Variants in ITPR2 observed in about 807,000 individuals in gnomAD.
ITPR2 encodes the protein inositol 1,4,5-trisphosphate-gated calcium channel ITPR2.
In ITPR2, 207 loss-of-function variants were observed where a neutral mutation model predicts 317.1. That is an observed-to-expected ratio of 0.65 (90% confidence interval 0.58 to 0.73). The LOEUF (loss-of-function observed/expected upper bound fraction) is 0.73, where lower values mean the gene tolerates loss of function less well. Among genes scored for constraint, ITPR2 ranks in the 30% least tolerant of loss-of-function variants. The pLI, the probability that ITPR2 is intolerant of heterozygous loss-of-function variation, is 0.00. For missense variants in ITPR2, 2,613 were observed against 3,284.0 expected, an observed-to-expected ratio of 0.80 and a Z score of 4.99; for synonymous variants, 1,156 against 1,149.1, an observed-to-expected ratio of 1.01 and a Z score of -0.12.
intron 21 of ITPR2, chr12:26,649,137 T>C (rs370327072): frequency 2.6e-5 from 4 of 152,202 alleles, no homozygotes; most frequent in East Asian, 3.9e-4. Flanking sequence ...AACTCCCACA[T>C]AGACTTTGCT....
At chr12:26,424,862 C>T (rs908350847) in intron 49 of ITPR2, among the ~76,000 whole-genome samples, 24 of 152,128 alleles carry the variant, frequency 1.6e-4, no homozygotes, top group Non-Finnish European at 2.5e-4. Flanking sequence ...TGGGTTCAAG[C>T]GATTCTCTGG....
intron 1 of ITPR2, among the ~76,000 whole-genome samples, chr12:26,811,883 G>C (rs1950757875): frequency 1.4e-5 from 2 of 143,450 alleles, no homozygotes; most frequent in African/African-American, 5.1e-5. Flanking sequence ...GAAATCTAGG[G>C]CCGGGCGTGG....
At chr12:26,585,549 C>T (rs1034838041) in intron 32 of ITPR2, among the ~76,000 whole-genome samples, 3 of 151,992 alleles carry the variant, frequency 2.0e-5, no homozygotes, top group Non-Finnish European at 4.4e-5. Flanking sequence ...GGACTACAGG[C>T]GCATGCCACA....
intron 33 of ITPR2, among the ~76,000 whole-genome samples, chr12:26,579,826 G>A (rs1945355280): frequency 6.6e-6 from 1 of 152,026 alleles, no homozygotes; most frequent in Non-Finnish European, 1.5e-5. Context: ...AGAGAAAAAG[G>A]AAAAATAATT....
intron 1 of ITPR2, among the ~76,000 whole-genome samples, chr12:26,824,415 TCAGA>T (rs1480972927): frequency 6.6e-6 from 1 of 152,194 alleles, no homozygotes; most frequent in Non-Finnish European, 1.5e-5. Context: ...GCATTACTGG[TCAGA>T]CAAACATTTT....
chr12:26,473,705 T>C (rs11048543), intron 45 of ITPR2, among the ~76,000 whole-genome samples: 16,278 of 152,194 alleles, frequency 0.11, 1,782 homozygotes, highest in African/African-American at 0.27. Flanking sequence ...AATATGATTT[T>C]AATTCTCAGC....
chr12:26,550,428 T>G, intron 36 of ITPR2, 73 bp from the exon 37 acceptor site: 1 of 686,918 alleles, frequency 1.5e-6, no homozygotes, highest in East Asian at 2.8e-5. Context: ...TCAAAGGCCA[T>G]AGGGGAAAAA....
chr12:26,496,112 A>C (rs1309024319), intron 37 of ITPR2, among the ~76,000 whole-genome samples: 1 of 152,236 alleles, frequency 6.6e-6, no homozygotes, highest in Non-Finnish European at 1.5e-5. Context: ...TAATAAAAAG[A>C]GTGATTTAAA....
chr12:26,389,435 C>T (rs140879458), intron 54 of ITPR2, among the ~76,000 whole-genome samples: 234 of 151,642 alleles, frequency 1.5e-3, no homozygotes, highest in African/African-American at 5.5e-3. Flanking sequence ...CTAACCTTAC[C>T]TCTCACTGTT....
At chr12:26,409,126 A>T (rs1940456473) in intron 52 of ITPR2, among the ~76,000 whole-genome samples, 1 of 152,204 alleles carries the variant, frequency 6.6e-6, no homozygotes, top group African/African-American at 2.4e-5. Flanking sequence ...TGAATTTGAG[A>T]CTGTGACAGA....
chr12:26,365,341 AT>A (rs1234681401), intron 55 of ITPR2, among the ~76,000 whole-genome samples: 1 of 152,210 alleles, frequency 6.6e-6, no homozygotes, highest in African/African-American at 2.4e-5. Context: ...ACATTCCAGG[AT>A]TCAAGAAATG....
chr12:26,763,342 T>C (rs1042164841), intron 2 of ITPR2, among the ~76,000 whole-genome samples: 2 of 151,782 alleles, frequency 1.3e-5, no homozygotes, highest in Non-Finnish European at 2.9e-5. Flanking sequence ...TCAAAGGCAA[T>C]GAAATAGTGA....
At chr12:26,794,388 G>A (rs751441311) in intron 1 of ITPR2, among the ~76,000 whole-genome samples, 32 of 152,086 alleles carry the variant, frequency 2.1e-4, no homozygotes, top group Non-Finnish European at 4.3e-4. Context: ...AAAATGCATC[G>A]TTTTCTTATC....
chr12:26,602,442 T>C lies in ITPR2; in HGVS notation c.3606A>G (p.Gln1202=). The C allele has an allele frequency of 1.2e-6, 2 of 1,613,850 alleles. No homozygotes were observed. The highest frequency in any genetic ancestry group is 1.7e-6 in the Non-Finnish European group (2 of 1,179,800). The change falls in exon 28 of 57, where the codon CAA becomes CAG. Residue 1202 remains glutamine, a synonymous_variant. Transcript: ENST00000381340. ...LCVQNKKCRN[Q]HQRLLKNMGA... is the part of the protein sequence containing the mutation. ...CCATATTTTTCAGTAATCGTTGATGTTGATTCCGACACTTTTTATTCTGCA... is the reference window on the plus strand; with the variant it reads ...CCATATTTTTCAGTAATCGTTGATGCTGATTCCGACACTTTTTATTCTGCA...
intron 20 of ITPR2, 95 bp downstream of exon 20, chr12:26,655,613 C>CA (rs56325248): frequency 0.085 from 53,790 of 633,520 alleles, 621 homozygotes; most frequent in African/African-American, 0.2. Flanking sequence ...GACTCTGTCT[C>CA]AAAAAAAAAA....
intron 34 of ITPR2, among the ~76,000 whole-genome samples, chr12:26,568,032 A>ATAT (rs1403618703): frequency 8.1e-6 from 1 of 123,810 alleles, no homozygotes; most frequent in East Asian, 3.0e-4. Context: ...ATATATATAT[A>ATAT]AAATGTCAAA....
chr12:26,603,634 G>A (rs1338508672), intron 26 of ITPR2, among the ~76,000 whole-genome samples: 1 of 152,214 alleles, frequency 6.6e-6, no homozygotes, highest in Non-Finnish European at 1.5e-5. Context: ...TATTCAGAAA[G>A]AGAGAGAAAG....
chr12:26,604,358 A>T (rs6487564), intron 26 of ITPR2, among the ~76,000 whole-genome samples: 111,151 of 151,456 alleles, frequency 0.73, 41,044 homozygotes, highest in East Asian at 0.95. Flanking sequence ...TGCCTCTACA[A>T]AGACACTTTC....
At chr12:26,568,455 C>A (rs914804646) in intron 34 of ITPR2, among the ~76,000 whole-genome samples, 1 of 151,848 alleles carries the variant, frequency 6.6e-6, no homozygotes, top group Non-Finnish European at 1.5e-5. Flanking sequence ...GGCTTATAAA[C>A]CTCGGAAGTT....
Sources: gnomAD v4.1 joint callset for allele counts (sites outside exome capture counted in the v4.1 genomes callset) on GRCh38, gnomAD v4.1.1 for gene constraint, MANE v1.5 for transcripts, NCBI Gene and HGNC (gene_info 2026-07-23, HGNC 2026-07-21) for gene names.